TMEM117: variants seen among roughly 807,000 people sequenced by gnomAD.
TMEM117 encodes the protein transmembrane protein 117.
In TMEM117, 27 loss-of-function variants were observed where a neutral mutation model predicts 52.4. That is an observed-to-expected ratio of 0.51 (90% CI 0.38 to 0.71). TMEM117 has a LOEUF of 0.71. Ranked by LOEUF, TMEM117 falls within the 30% of genes least tolerant of loss-of-function variation. TMEM117 has a pLI of 0.00. For synonymous variants in TMEM117, 215 were observed against 206.3 expected (o/e 1.04, Z -0.36); for missense variants, 556 against 630.5 (o/e 0.88, Z 1.26).
chr12:43,828,565 G>A, the TMEM117 span, among the ~76,000 whole-genome samples: 1 of 152,144 alleles, frequency 6.6e-6, no homozygotes, highest in African/African-American at 2.4e-5. Flanking sequence ...ATGGCAACTG[G>A]TACTTATAAC....
chr12:44,357,269 G>A (rs544496404), intron 6 of TMEM117, among the ~76,000 whole-genome samples: 2 of 152,102 alleles, frequency 1.3e-5, no homozygotes, highest in East Asian at 3.9e-4. Context: ...ACCACAGCAT[G>A]GCACCTGCCA....
chr12:43,810,078 A>G, the TMEM117 span, among the ~76,000 whole-genome samples: 50 of 151,872 alleles, frequency 3.3e-4, no homozygotes, highest in Admixed American at 5.2e-4. Context: ...AACAGGGAAC[A>G]CTTTGGTTCA....
At position 44,091,251 on chromosome 12, in the gene TMEM117, G is replaced by A. The variant is rs7957948; in HGVS notation, c.411-52274G>A. On this transcript the variant is annotated intron_variant, in intron 3 of 7. Transcript: ENST00000266534. The stretch of plus-strand genomic sequence containing the variant: ...TAACACAGGAAAGACCAGCCCCCAT[G>A]ATTCAATTACCTCCCCTGGGTCCCT... Among the ~76,000 whole-genome samples, 169 of 152,264 alleles carry A rather than the reference G, an allele frequency of 1.1e-3. 2 individuals are homozygous for A. The highest frequency in any genetic ancestry group is 3.4e-3 in the Middle Eastern group (1 of 294).
chr12:44,045,459 A>G (rs1195354057), intron 3 of TMEM117, among the ~76,000 whole-genome samples: 1 of 152,150 alleles, frequency 6.6e-6, no homozygotes, highest in Non-Finnish European at 1.5e-5. Flanking sequence ...CTCCAAGACT[A>G]CCATCCGTGG....
At chr12:44,211,015 G>A (rs1301104287) in intron 4 of TMEM117, among the ~76,000 whole-genome samples, 1 of 151,998 alleles carries the variant, frequency 6.6e-6, no homozygotes, top group African/African-American at 2.4e-5. Flanking sequence ...TTGTTTCTAT[G>A]GTACTGTCTT....
intron 6 of TMEM117, among the ~76,000 whole-genome samples, chr12:44,308,697 G>A (rs1157965132): frequency 6.7e-6 from 1 of 150,230 alleles, no homozygotes; most frequent in Non-Finnish European, 1.5e-5. Context: ...TCGGCTCGCT[G>A]CAAGCTCCGC....
chr12:43,854,741 A>G (rs1254960293), intron 2 of TMEM117, among the ~76,000 whole-genome samples: 1 of 151,932 alleles, frequency 6.6e-6, no homozygotes, highest in African/African-American at 2.4e-5. Flanking sequence ...GGTTCAAGCG[A>G]TTCTCCTGCC....
intron 6 of TMEM117, among the ~76,000 whole-genome samples, chr12:44,349,309 T>C (rs1951531925): frequency 6.6e-6 from 1 of 152,078 alleles, no homozygotes; most frequent in Non-Finnish European, 1.5e-5. Context: ...AATGAATTTC[T>C]ATTGTTTAAA....
intron 4 of TMEM117, among the ~76,000 whole-genome samples, chr12:44,155,001 T>C (rs1359279169): frequency 6.6e-6 from 1 of 152,050 alleles, no homozygotes; most frequent in Non-Finnish European, 1.5e-5. Context: ...CTTATACAAA[T>C]AAATGAGGAA....
intron 1 of TMEM117, among the ~76,000 whole-genome samples, chr12:43,843,335 G>T (rs1943146634): frequency 6.6e-6 from 1 of 152,076 alleles, no homozygotes; most frequent in Non-Finnish European, 1.5e-5. Context: ...GAGCCAAATG[G>T]GCTCACAAAG....
At chr12:43,887,686 A>G (rs1410810671) in intron 2 of TMEM117, among the ~76,000 whole-genome samples, 5 of 152,198 alleles carry the variant, frequency 3.3e-5, no homozygotes, top group Non-Finnish European at 7.3e-5. Context: ...AAAATTCAGC[A>G]GAAGTTACAC....
chr12:44,210,941 A>G (rs1027279452), intron 4 of TMEM117, among the ~76,000 whole-genome samples: 9 of 152,152 alleles, frequency 5.9e-5, no homozygotes, highest in African/African-American at 2.2e-4. Context: ...ACATCAGGGA[A>G]TGCTTGAGTT....
At chr12:43,815,425 A>G in the TMEM117 span, among the ~76,000 whole-genome samples, 1 of 152,202 alleles carries the variant, frequency 6.6e-6, no homozygotes, top group Non-Finnish European at 1.5e-5. Context: ...TAGTTCTGTC[A>G]ATAGAATACC....
intron 6 of TMEM117, among the ~76,000 whole-genome samples, chr12:44,368,224 A>G (rs560765571): frequency 2.0e-5 from 3 of 152,194 alleles, no homozygotes; most frequent in Admixed American, 1.3e-4. Context: ...CCAACTCACT[A>G]TTCTCCATCC....
At chr12:44,157,093 A>G (rs571662303) in intron 4 of TMEM117, among the ~76,000 whole-genome samples, 1 of 152,282 alleles carries the variant, frequency 6.6e-6, no homozygotes, top group Non-Finnish European at 1.5e-5. Flanking sequence ...CACCGCTTTC[A>G]GTTCATAATA....
intron 2 of TMEM117, among the ~76,000 whole-genome samples, chr12:43,936,499 A>G (rs1944953797): frequency 6.6e-6 from 1 of 152,146 alleles, no homozygotes; most frequent in Non-Finnish European, 1.5e-5. Flanking sequence ...GAGATATGGG[A>G]TGTTGAAACC....
intron 6 of TMEM117, among the ~76,000 whole-genome samples, chr12:44,340,265 G>T (rs566528562): frequency 6.6e-6 from 1 of 152,138 alleles, no homozygotes; most frequent in Non-Finnish European, 1.5e-5. Flanking sequence ...GGTAAAAAGT[G>T]AGTAAAGACT....
intron 4 of TMEM117, among the ~76,000 whole-genome samples, chr12:44,182,490 C>T (rs1346896049): frequency 1.3e-5 from 2 of 152,064 alleles, no homozygotes; most frequent in Non-Finnish European, 2.9e-5. Flanking sequence ...AAGCCTTTGA[C>T]AAAATTCAAC....
At chr12:44,280,498 A>G (rs1950564404) in intron 5 of TMEM117, among the ~76,000 whole-genome samples, 1 of 152,144 alleles carries the variant, frequency 6.6e-6, no homozygotes, top group South Asian at 2.1e-4. Context: ...ATTTAATCAG[A>G]ACTCTCAGCC....
Sources: gnomAD v4.1 joint callset for allele counts (sites outside exome capture counted in the v4.1 genomes callset) on GRCh38, gnomAD v4.1.1 for gene constraint, MANE v1.5 for transcripts, NCBI Gene and HGNC (gene_info 2026-07-23, HGNC 2026-07-21) for gene names.